The following FBXO34 variants were observed in gnomAD, a reference collection of about 807,000 sequenced individuals.
The protein encoded by FBXO34 is F-box only protein 34.
Under a neutral mutation model 24.5 loss-of-function variants are expected in FBXO34, and 12 were observed. The ratio of observed to expected loss-of-function variants is 0.49; its 90% CI spans 0.31 to 0.79. The LOEUF (loss-of-function observed/expected upper bound fraction) is 0.79. Among genes scored for constraint, FBXO34 ranks in the 30% least tolerant of loss-of-function variants. The pLI is 0.04. For synonymous variants in FBXO34, 320 were observed against 311.9 expected, an observed-to-expected ratio of 1.03 and a Z score of -0.27; for missense variants, 823 against 857.7, an observed-to-expected ratio of 0.96 and a Z score of 0.51.
chr14:55,382,259 A>T, the FBXO34 span: 9 of 1,392,798 alleles, frequency 6.5e-6, no homozygotes, highest in Non-Finnish European at 8.1e-6. Flanking sequence ...ATATAACTGC[A>T]AGACATGCTA....
intron 1 of FBXO34, among the ~76,000 whole-genome samples, chr14:55,284,369 C>T (rs542074104): frequency 2.0e-5 from 3 of 151,826 alleles, no homozygotes; most frequent in Non-Finnish European, 2.9e-5. Flanking sequence ...CAAAATTAGC[C>T]GGGCGTGGTG....
the FBXO34 span, among the ~76,000 whole-genome samples, chr14:55,391,471 TAAA>T: frequency 2.6e-5 from 2 of 75,782 alleles, no homozygotes. Context: ...TGAGACTCCA[TAAA>T]AAAAAAAAAA....
At chr14:55,324,365 C>G (rs1883271797) in intron 1 of FBXO34, among the ~76,000 whole-genome samples, 2 of 152,098 alleles carry the variant, frequency 1.3e-5, no homozygotes, top group African/African-American at 4.8e-5. Context: ...TTGTCACCAC[C>G]TTTTATCTAT....
chr14:55,375,640 G>A, the FBXO34 span, among the ~76,000 whole-genome samples: 1 of 151,868 alleles, frequency 6.6e-6, no homozygotes, highest in South Asian at 2.1e-4. Flanking sequence ...CACCATGCCT[G>A]GTTTGAACTA....
At chr14:55,440,319 G>A in the FBXO34 span, 13 of 1,552,654 alleles carry the variant, frequency 8.4e-6, no homozygotes, top group Non-Finnish European at 1.1e-5. Flanking sequence ...AGTTTTAAGA[G>A]GAACGAAGGC....
At chr14:55,383,687 T>G in the FBXO34 span, among the ~76,000 whole-genome samples, 1 of 151,736 alleles carries the variant, frequency 6.6e-6, no homozygotes, top group Non-Finnish European at 1.5e-5. Flanking sequence ...GTGGACTGCT[T>G]GAGCTCACGA....
chr14:55,350,996 G>C lies in FBXO34; in HGVS notation c.606G>C (p.Gly202=), dbSNP rs755376786. Residue 202 remains glycine, a synonymous_variant, in exon 2 of 2, where the codon GGG becomes GGC. Transcript: ENST00000313833. ...VSDSGDGVYA[G]RPLSVIQMVA... is the part of the protein sequence containing the mutation. ...ACAGTGGGGATGGAGTCTATGCTGG[G>C]AGGCCTCTGTCAGTTATACAGATGG... The C allele has an allele frequency of 6.2e-7, 1 of 1,614,172 alleles. No individual in the cohort carries two copies. Among genetic ancestry groups the C allele is most frequent in the Non-Finnish European group, 8.5e-7 (1 of 1,180,024 alleles).
chr14:55,279,284 C>CAAA (rs397767008), intron 1 of FBXO34, among the ~76,000 whole-genome samples: 1 of 118,278 alleles, frequency 8.5e-6, no homozygotes, highest in African/African-American at 2.9e-5. Flanking sequence ...GAGACTCCGT[C>CAAA]AAAAAAAAAA....
At chr14:55,394,005 A>ATT in the FBXO34 span, among the ~76,000 whole-genome samples, 34 of 138,912 alleles carry the variant, frequency 2.4e-4, no homozygotes, top group African/African-American at 7.1e-4. Flanking sequence ...CAGTATCATA[A>ATT]TTTTTTTTTT....
the FBXO34 span, chr14:55,414,001 C>T: frequency 5.7e-6 from 3 of 527,282 alleles, no homozygotes; most frequent in African/African-American, 3.8e-5. Flanking sequence ...TCCATCTTTT[C>T]TAAAAGGCCT....
intron 1 of FBXO34, among the ~76,000 whole-genome samples, chr14:55,301,300 G>C (rs1882345891): frequency 6.6e-6 from 1 of 152,166 alleles, no homozygotes. Flanking sequence ...AGCCAGGTGT[G>C]GTGGCATGTG....
the FBXO34 span, among the ~76,000 whole-genome samples, chr14:55,408,498 G>C: frequency 6.6e-6 from 1 of 151,930 alleles, no homozygotes; most frequent in African/African-American, 2.4e-5. Flanking sequence ...GCAGCCAGGC[G>C]TGGTGGCTCA....
chr14:55,417,014 G>A, the FBXO34 span, among the ~76,000 whole-genome samples: 1 of 152,218 alleles, frequency 6.6e-6, no homozygotes, highest in Non-Finnish European at 1.5e-5. Flanking sequence ...TTGCATTCAA[G>A]CTCAAGGAGT....
intron 1 of FBXO34, among the ~76,000 whole-genome samples, chr14:55,283,499 CTG>C (rs992927589): frequency 1.4e-4 from 20 of 146,352 alleles, no homozygotes; most frequent in African/African-American, 5.0e-4. Flanking sequence ...CAGTCTCACT[CTG>C]TTGCCCAGGC....
At chr14:55,407,517 G>A in the FBXO34 span, among the ~76,000 whole-genome samples, 3 of 151,842 alleles carry the variant, frequency 2.0e-5, no homozygotes, top group East Asian at 1.9e-4. Context: ...CGCCTGCCTC[G>A]GCCTCCCAAA....
intron 1 of FBXO34, among the ~76,000 whole-genome samples, chr14:55,283,626 G>A (rs946506802): frequency 6.6e-5 from 10 of 151,670 alleles, no homozygotes; most frequent in Middle Eastern, 3.4e-3. Context: ...CACCATGCCC[G>A]ACTAATGTAT....
the FBXO34 span, among the ~76,000 whole-genome samples, chr14:55,439,353 A>G: frequency 6.6e-6 from 1 of 151,574 alleles, no homozygotes; most frequent in Non-Finnish European, 1.5e-5. Context: ...TCCACCAGAG[A>G]CTTGACTTCT....
At chr14:55,337,148 A>C (rs1340714269) in intron 1 of FBXO34, among the ~76,000 whole-genome samples, 2 of 151,450 alleles carry the variant, frequency 1.3e-5, no homozygotes, top group Admixed American at 1.3e-4. Context: ...TAATTTTTGT[A>C]TTTTTAGTAG....
At chr14:55,363,189 A>AT (rs577527169), downstream of FBXO34, among the ~76,000 whole-genome samples, 17,398 of 137,498 alleles carry the variant, frequency 0.13, 2,591 homozygotes, top group African/African-American at 0.37. Flanking sequence ...CGCCTGGCTA[A>AT]TTTTTTTTTT....
Sources: gnomAD v4.1 joint callset for allele counts (sites outside exome capture counted in the v4.1 genomes callset) on GRCh38, gnomAD v4.1.1 for gene constraint, MANE v1.5 for transcripts, NCBI Gene and HGNC (gene_info 2026-07-23, HGNC 2026-07-21) for gene names.